KCNQ3: variants seen among roughly 807,000 people sequenced by gnomAD.
KCNQ3 encodes potassium voltage-gated channel subfamily Q member 3, also known as potassium voltage-gated channel subfamily KQT member 3.
Under a neutral mutation model 92.5 loss-of-function variants are expected in KCNQ3, and 30 were observed. The observed-to-expected ratio is 0.32, with a 90% CI of 0.24 to 0.44. The LOEUF is 0.44. KCNQ3 is among the 20% of genes least tolerant of loss of function. KCNQ3 has a pLI of 1.00. For synonymous variants in KCNQ3, 450 were observed against 468.8 expected (o/e 0.96, Z 0.52); for missense variants, 913 against 1,140.3 (o/e 0.80, Z 2.87).
chr8:132,385,511 ATGGACTAATGTTAT>A (rs1277586433), intron 1 of KCNQ3, among the ~76,000 whole-genome samples: 1 of 152,224 alleles, frequency 6.6e-6, no homozygotes, highest in Non-Finnish European at 1.5e-5. Flanking sequence ...GTCCTCAAGA[ATGGACTAATGTTAT>A]CCAGGGAGTG....
chr8:132,458,431 A>G (rs1821991520), intron 1 of KCNQ3, among the ~76,000 whole-genome samples: 4 of 152,208 alleles, frequency 2.6e-5, no homozygotes, highest in South Asian at 4.1e-4. Context: ...AACTTTTTAA[A>G]ATAGACTTTA....
intron 1 of KCNQ3, among the ~76,000 whole-genome samples, chr8:132,475,803 A>G (rs1276222577): frequency 6.6e-6 from 1 of 152,246 alleles, no homozygotes; most frequent in Non-Finnish European, 1.5e-5. Flanking sequence ...AGCTGCAGAA[A>G]TATGCATAAG....
At chr8:132,345,353 A>C (rs1182732655) in intron 1 of KCNQ3, among the ~76,000 whole-genome samples, 1 of 152,178 alleles carries the variant, frequency 6.6e-6, no homozygotes, top group African/African-American at 2.4e-5. Context: ...AGTACATAAA[A>C]CTGAGGCAGA....
At chr8:132,186,467 G>C (rs1056239828) in intron 1 of KCNQ3, 1 of 402,754 alleles carries the variant, frequency 2.5e-6, no homozygotes, top group Non-Finnish European at 4.8e-6. Context: ...AGATCATCTG[G>C]TTCCAACCTC....
At chr8:132,344,969 C>T (rs981901821) in intron 1 of KCNQ3, among the ~76,000 whole-genome samples, 3 of 152,076 alleles carry the variant, frequency 2.0e-5, no homozygotes, top group Non-Finnish European at 2.9e-5. Context: ...ATAGAGTGAC[C>T]AGTCTCTCAA....
At chr8:132,247,578 G>A (rs900610812) in intron 1 of KCNQ3, among the ~76,000 whole-genome samples, 1 of 152,014 alleles carries the variant, frequency 6.6e-6, no homozygotes, top group Non-Finnish European at 1.5e-5. Flanking sequence ...CCTGAGGTCA[G>A]GAGTTTGAGA....
At chr8:132,392,790 CAAAAA>C (rs56183412) in intron 1 of KCNQ3, among the ~76,000 whole-genome samples, 3,464 of 72,594 alleles carry the variant, frequency 0.048, 66 homozygotes, top group Non-Finnish European at 0.06. Flanking sequence ...GAACCTGTCT[CAAAAA>C]AAAAAAAAAA....
intron 1 of KCNQ3, among the ~76,000 whole-genome samples, chr8:132,410,030 GA>G (rs1285747805): frequency 6.6e-6 from 1 of 152,200 alleles, no homozygotes; most frequent in African/African-American, 2.4e-5. Context: ...TCAGGAGGAT[GA>G]GGCAAGAGGA....
chr8:132,388,984 G>A (rs1819976417), intron 1 of KCNQ3, among the ~76,000 whole-genome samples: 1 of 152,148 alleles, frequency 6.6e-6, no homozygotes, highest in East Asian at 1.9e-4. Context: ...TTGGTATCAA[G>A]TGGAAAGAAA....
chr8:132,279,847 T>C (rs1324831332), intron 1 of KCNQ3, among the ~76,000 whole-genome samples: 1 of 130,088 alleles, frequency 7.7e-6, no homozygotes, highest in African/African-American at 2.5e-5. Flanking sequence ...TGTATGTGTA[T>C]ATATGCGTGT....
At chr8:132,218,058 A>G (rs1227176209) in intron 1 of KCNQ3, among the ~76,000 whole-genome samples, 1 of 152,190 alleles carries the variant, frequency 6.6e-6, no homozygotes. Flanking sequence ...ACCTTGCAAA[A>G]TGAGCTTTAT....
chr8:132,219,489 C>CT (rs1167685925), intron 1 of KCNQ3, among the ~76,000 whole-genome samples: 1 of 152,174 alleles, frequency 6.6e-6, no homozygotes, highest in African/African-American at 2.4e-5. Context: ...TAGCTACCTT[C>CT]TTCTCTACCC....
At chr8:132,457,356 T>A (rs1019617029) in intron 1 of KCNQ3, among the ~76,000 whole-genome samples, 17 of 152,180 alleles carry the variant, frequency 1.1e-4, no homozygotes, top group African/African-American at 3.6e-4. Flanking sequence ...TTGCCTAAGG[T>A]AACACAGTAA....
chr8:132,123,340 A>G lies in KCNQ3; in HGVS notation c.*5922T>C, dbSNP rs1462983351. 1 of 152,238 alleles carries G rather than the reference A, an allele frequency of 6.6e-6. No individual in the cohort carries two copies. Among genetic ancestry groups the G allele is most frequent in the African/African-American group, 2.4e-5 (1 of 41,410 alleles). 9.4% of individuals were successfully genotyped at this position (152,238 alleles called of 1,614,324 possible). Reference sequence around the variant, plus strand: ...GGAGGAGTGCCTGCATGGCCATGGGATTGTTCTTCATTCCCTTTCTCAACT... The same window carrying G: ...GGAGGAGTGCCTGCATGGCCATGGGGTTGTTCTTCATTCCCTTTCTCAACT... On this transcript the variant is annotated 3_prime_UTR_variant, in exon 15 of 15. Coordinates refer to ENST00000388996, the MANE Select transcript of KCNQ3 (RefSeq NM_004519.4).
chr8:132,352,900 A>G (rs573830354), intron 1 of KCNQ3, among the ~76,000 whole-genome samples: 1 of 152,258 alleles, frequency 6.6e-6, no homozygotes, highest in East Asian at 1.9e-4. Flanking sequence ...ACTGGGCATG[A>G]TGTCCCAGGA....
At chr8:132,181,824 C>A (rs566668907) in intron 3 of KCNQ3, among the ~76,000 whole-genome samples, 2 of 152,014 alleles carry the variant, frequency 1.3e-5, no homozygotes, top group Admixed American at 6.6e-5. Context: ...GAGGCCGAGG[C>A]GGGCAGATCA....
chr8:132,196,858 A>C (rs1827312217), intron 1 of KCNQ3, among the ~76,000 whole-genome samples: 1 of 152,176 alleles, frequency 6.6e-6, no homozygotes, highest in Non-Finnish European at 1.5e-5. Flanking sequence ...TTGTTTCCTC[A>C]TCTGTAAATA....
chr8:132,203,209 T>C (rs1827515132), intron 1 of KCNQ3, among the ~76,000 whole-genome samples: 1 of 152,202 alleles, frequency 6.6e-6, no homozygotes, highest in Non-Finnish European at 1.5e-5. Flanking sequence ...AAGTTTCCAC[T>C]TCTCAACACT....
intron 2 of KCNQ3, 85 bp from the exon 3 acceptor site, chr8:132,184,452 G>T (rs1193397110): frequency 5.1e-6 from 7 of 1,365,810 alleles, no homozygotes; most frequent in Non-Finnish European, 6.9e-6. Flanking sequence ...AAGTTCTGAA[G>T]AACTCCATTT....
Sources: allele counts gnomAD v4.1 joint callset (sites outside exome capture counted in the v4.1 genomes callset), GRCh38; gene constraint gnomAD v4.1.1; transcripts MANE v1.5; gene names NCBI Gene and HGNC (gene_info 2026-07-23, HGNC 2026-07-21).